Variants in NBAS observed in about 807,000 individuals in gnomAD.
NBAS encodes NBAS subunit of NRZ tethering complex.
NBAS carries 219 observed loss-of-function variants against 302.5 expected under a neutral mutation model. The observed-to-expected ratio is 0.72, with a 90% CI of 0.65 to 0.81. The LOEUF (loss-of-function observed/expected upper bound fraction) is 0.81. Ranked by LOEUF, NBAS falls within the 30% of genes least tolerant of loss-of-function variation. The probability of loss-of-function intolerance (pLI) is 0.00; values close to 1 mark genes in which losing one functional copy is unlikely to be tolerated. For missense variants in NBAS, 2,932 were observed against 2,841.6 expected (o/e 1.03, Z -0.72); for synonymous variants, 1,118 against 1,021.6 (o/e 1.09, Z -1.80).
chr2:14,990,640 T>G, the NBAS span, among the ~76,000 whole-genome samples: 1 of 152,186 alleles, frequency 6.6e-6, no homozygotes, highest in Admixed American at 6.5e-5. Flanking sequence ...CTTTTTAATT[T>G]GTATTTTTAG....
chr2:15,337,191 T>C (rs567864458), intron 35 of NBAS, among the ~76,000 whole-genome samples: 43 of 152,220 alleles, frequency 2.8e-4, no homozygotes, highest in Middle Eastern at 3.4e-3. Flanking sequence ...TGTGGTGGCA[T>C]GTGCCTATAG....
the NBAS span, among the ~76,000 whole-genome samples, chr2:15,096,382 G>A: frequency 2.0e-5 from 3 of 152,164 alleles, no homozygotes; most frequent in African/African-American, 7.2e-5. Flanking sequence ...CAGCCTCTCT[G>A]GGGCTCACAA....
the NBAS span, among the ~76,000 whole-genome samples, chr2:15,151,473 G>A: frequency 6.6e-6 from 1 of 152,202 alleles, no homozygotes; most frequent in Non-Finnish European, 1.5e-5. Context: ...TAACTCAACT[G>A]CAAAGGCTAT....
At chr2:15,483,971 G>A (rs1018092216) in intron 12 of NBAS, among the ~76,000 whole-genome samples, 1 of 152,180 alleles carries the variant, frequency 6.6e-6, no homozygotes, top group Non-Finnish European at 1.5e-5. Flanking sequence ...AAAGAGAGGT[G>A]AAACTCTGCC....
chr2:15,245,218 G>A (rs1422436653), intron 44 of NBAS, among the ~76,000 whole-genome samples: 5 of 151,994 alleles, frequency 3.3e-5, no homozygotes, highest in Admixed American at 6.6e-5. Context: ...GGCCCCATGC[G>A]ATCTGCTCTT....
rs568969445 is a variant in NBAS at position 15,352,096 on chromosome 2, G to C, written c.4090-15C>G. ...TGATAAAGAATCTAAAACAAGAATA[G>C]GCTATATTGTAAAGGAGTTACGTTT... On this transcript the variant is annotated splice_polypyrimidine_tract_variant and intron_variant, in intron 34 of 51. Coordinates refer to ENST00000281513, the MANE Select transcript of NBAS (RefSeq NM_015909.4). 4 of 1,555,862 alleles carry C rather than the reference G, an allele frequency of 2.6e-6. No homozygotes were observed. The African/African-American group carries it at 5.4e-5, about 21-fold the overall frequency.
chr2:15,429,414 TAC>T (rs1677650364), intron 21 of NBAS, among the ~76,000 whole-genome samples: 1 of 152,256 alleles, frequency 6.6e-6, no homozygotes, highest in Non-Finnish European at 1.5e-5. Context: ...AAAAGGATTG[TAC>T]TTTCTTATAT....
chr2:15,219,937 GC>G (rs1462568403), intron 47 of NBAS, among the ~76,000 whole-genome samples: 1 of 141,858 alleles, frequency 7.0e-6, no homozygotes, highest in Non-Finnish European at 1.5e-5. Flanking sequence ...GGATGGGGCG[GC>G]TGGCCGGGCA....
chr2:14,976,730 A>G, the NBAS span, among the ~76,000 whole-genome samples: 2 of 152,238 alleles, frequency 1.3e-5, no homozygotes, highest in African/African-American at 4.8e-5. Context: ...TCCAATAACA[A>G]GCACCCTTGC....
chr2:15,407,004 T>C (rs1676447558), intron 25 of NBAS, among the ~76,000 whole-genome samples: 1 of 152,200 alleles, frequency 6.6e-6, no homozygotes, highest in South Asian at 2.1e-4. Context: ...TCTTGCCTTT[T>C]TAAACCCAGC....
At chr2:15,170,307 T>C (rs1664234744) in intron 51 of NBAS, among the ~76,000 whole-genome samples, 1 of 152,182 alleles carries the variant, frequency 6.6e-6, no homozygotes. Context: ...TTTCAGAAGC[T>C]GCTCTCATTC....
chr2:14,819,467 G>A, the NBAS span, among the ~76,000 whole-genome samples: 3 of 152,334 alleles, frequency 2.0e-5, no homozygotes, highest in East Asian at 5.8e-4. Context: ...CAGCTATGAA[G>A]TATGTATTAG....
chr2:15,161,747 A>C, the NBAS span, among the ~76,000 whole-genome samples: 1 of 152,128 alleles, frequency 6.6e-6, no homozygotes. Flanking sequence ...GATCCACCTA[A>C]GTCTCCTGAT....
rs1339080547 is a variant in NBAS, at chr2:15,275,719, A to C, written c.5489T>G (p.Val1830Gly). The C allele has an allele frequency of 6.2e-7, 1 of 1,614,210 alleles. No individual in the cohort carries two copies. ...TCCATCCTTTTCAGGGATTTTGGGAACAAGTTTGGAAATAGACAAGATATT... is the reference window on the plus strand; with the variant it reads ...TCCATCCTTTTCAGGGATTTTGGGACCAAGTTTGGAAATAGACAAGATATT... ...SQNILSISKL[V>G]PKIPEKDGQM... The change falls in exon 44 of 52, where the codon GTT becomes GGT. Residue 1830 changes from valine to glycine, a missense_variant. Transcript: ENST00000281513.
intron 12 of NBAS, among the ~76,000 whole-genome samples, chr2:15,484,109 T>C (rs1043949639): frequency 6.6e-6 from 1 of 152,180 alleles, no homozygotes; most frequent in Non-Finnish European, 1.5e-5. Flanking sequence ...ACAGCCACTT[T>C]ACATATTTGG....
the NBAS span, among the ~76,000 whole-genome samples, chr2:14,804,466 A>T: frequency 6.6e-6 from 1 of 152,212 alleles, no homozygotes; most frequent in African/African-American, 2.4e-5. Context: ...ATGAATCAAC[A>T]ATACGTGCCA....
chr2:14,923,100 C>T, the NBAS span, among the ~76,000 whole-genome samples: 269 of 152,184 alleles, frequency 1.8e-3, no homozygotes, highest in African/African-American at 6.0e-3. Flanking sequence ...TGCAGTGAGC[C>T]GAGATTGCGC....
the NBAS span, among the ~76,000 whole-genome samples, chr2:14,994,548 G>C: frequency 6.6e-6 from 1 of 152,178 alleles, no homozygotes; most frequent in Non-Finnish European, 1.5e-5. Context: ...AAGGGGCCTT[G>C]GATGTGGCTG....
the NBAS span, among the ~76,000 whole-genome samples, chr2:14,944,989 G>C: frequency 6.6e-6 from 1 of 152,232 alleles, no homozygotes; most frequent in Admixed American, 6.5e-5. Flanking sequence ...CCCTGTGACA[G>C]GCAAAGACAA....
Sources: allele counts gnomAD v4.1 joint callset (sites outside exome capture counted in the v4.1 genomes callset), GRCh38; gene constraint gnomAD v4.1.1; transcripts MANE v1.5; gene names NCBI Gene and HGNC (gene_info 2026-07-23, HGNC 2026-07-21).